The following DGCR2 variants were observed in gnomAD, a reference collection of about 807,000 sequenced individuals.
DGCR2 encodes the protein DiGeorge syndrome critical region gene 2.
Under a neutral mutation model 51.6 loss-of-function variants are expected in DGCR2, and 24 were observed. That is an observed-to-expected ratio of 0.47 (90% CI 0.34 to 0.65). DGCR2 has a LOEUF of 0.65. Among genes scored for constraint, DGCR2 ranks in the 30% least tolerant of loss-of-function variants. The pLI is 0.01. For synonymous variants in DGCR2, 340 were observed against 315.4 expected (o/e 1.08, Z -0.82); for missense variants, 765 against 772.1 (o/e 0.99, Z 0.11).
chr22:19,056,410 C>T (rs2082603047), intron 6 of DGCR2: 1 of 476,930 alleles, frequency 2.1e-6, no homozygotes. Flanking sequence ...AAGCCTCTCC[C>T]CAACCTGCGC....
chr22:19,094,756 G>C (rs1481599105), intron 1 of DGCR2, among the ~76,000 whole-genome samples: 1 of 152,140 alleles, frequency 6.6e-6, no homozygotes, highest in African/African-American at 2.4e-5. Context: ...GAAGCAAATT[G>C]GTAAGTTGTG....
At chr22:19,100,597 C>A (rs969153910) in intron 1 of DGCR2, among the ~76,000 whole-genome samples, 1 of 147,338 alleles carries the variant, frequency 6.8e-6, no homozygotes, top group African/African-American at 2.5e-5. Context: ...ATCCGGGAGA[C>A]GGAGGTTGCA....
Position 19,082,218 on chromosome 22 carries a change from A to ATTTC in DGCR2, c.202+7146_202+7149dup, listed in dbSNP as rs2082946682. The stretch of plus-strand genomic sequence containing the variant: ...TGTGTACCACCACATCTGGCTAATT[A>ATTTC]TTTCTTTTTTTTTTTTTTTTTTTTT... On this transcript the variant is annotated intron_variant, in intron 2 of 9. Transcript: ENST00000263196. Among the ~76,000 whole-genome samples, 3 of 70,830 alleles carry ATTTC rather than the reference A, an allele frequency of 4.2e-5. 1 individual carries two copies. The allele number at this position is 70,830 out of a possible 152,430, so 46.5% of individuals were successfully genotyped here.
At chr22:19,087,727 C>T (rs954723684) in intron 2 of DGCR2, among the ~76,000 whole-genome samples, 4 of 150,832 alleles carry the variant, frequency 2.7e-5, no homozygotes, top group Admixed American at 1.3e-4. Context: ...TTCTGCAGCC[C>T]AGGATAAAGT....
At chr22:19,059,974 C>T (rs1473373724) in intron 5 of DGCR2, among the ~76,000 whole-genome samples, 19 of 152,172 alleles carry the variant, frequency 1.2e-4, no homozygotes, top group Non-Finnish European at 1.2e-4. Flanking sequence ...CTTCCTGTCT[C>T]GCCACCTCCA....
Position 19,041,965 on chromosome 22 carries a change from G to T in DGCR2, c.1007-6C>A, listed in dbSNP as rs760142055. ...GTCAAACAGACTGTTGCCATCTGAGGGGGAGGGGAGGAAATGGCCGCTCTG... is the reference window on the plus strand; with the variant it reads ...GTCAAACAGACTGTTGCCATCTGAGTGGGAGGGGAGGAAATGGCCGCTCTG... On this transcript the variant is annotated splice_polypyrimidine_tract_variant and splice_region_variant and intron_variant, in intron 7 of 9. Transcript: ENST00000263196. 1 of 1,611,200 alleles carries T rather than the reference G, an allele frequency of 6.2e-7. No individual in the cohort carries two copies. Among genetic ancestry groups the T allele is most frequent in the African/African-American group, 1.3e-5 (1 of 74,860 alleles).
intron 8 of DGCR2, 92 bp downstream of exon 8, chr22:19,041,715 C>A: frequency 1.4e-6 from 2 of 1,437,086 alleles, no homozygotes; most frequent in Non-Finnish European, 9.5e-7. Context: ...TGCCTCTGCC[C>A]CTCTCTGTCC....
At chr22:19,040,407 C>T (rs2082417738) in intron 9 of DGCR2, among the ~76,000 whole-genome samples, 2 of 152,204 alleles carry the variant, frequency 1.3e-5, no homozygotes, top group Admixed American at 1.3e-4. Flanking sequence ...ACCAAATATA[C>T]TACAGGTTTG....
intron 6 of DGCR2, among the ~76,000 whole-genome samples, chr22:19,054,378 AAGTTCCTTGT>A (rs1263304319): frequency 1.3e-5 from 2 of 152,350 alleles, no homozygotes; most frequent in East Asian, 3.8e-4. Flanking sequence ...GTATGAAAGG[AAGTTCCTTGT>A]ATTATTCTGC....
intron 7 of DGCR2, among the ~76,000 whole-genome samples, chr22:19,044,079 C>T (rs989507464): frequency 9.8e-5 from 15 of 152,340 alleles, no homozygotes; most frequent in Non-Finnish European, 1.9e-4. Context: ...AAAGCAGCCC[C>T]TTTGCAATGA....
intron 1 of DGCR2, among the ~76,000 whole-genome samples, chr22:19,098,814 G>A (rs896013560): frequency 5.3e-5 from 8 of 151,928 alleles, no homozygotes; most frequent in African/African-American, 1.9e-4. Context: ...GGCTGGTCTC[G>A]AACTCCTGAG....
At chr22:19,088,797 C>A (rs756221007) in intron 2 of DGCR2, among the ~76,000 whole-genome samples, 1 of 152,200 alleles carries the variant, frequency 6.6e-6, no homozygotes, top group Non-Finnish European at 1.5e-5. Context: ...TCATGGGGTG[C>A]CCTGTATTCC....
At chr22:19,084,191 A>G (rs1176494016) in intron 2 of DGCR2, among the ~76,000 whole-genome samples, 3 of 147,992 alleles carry the variant, frequency 2.0e-5, no homozygotes, top group African/African-American at 7.6e-5. Flanking sequence ...GTCATCTGGG[A>G]TGTGAGGAGC....
chr22:19,051,987 C>T (rs1017512799), intron 6 of DGCR2, among the ~76,000 whole-genome samples: 1 of 152,192 alleles, frequency 6.6e-6, no homozygotes, highest in Non-Finnish European at 1.5e-5. Flanking sequence ...CGTTGAATCA[C>T]TCCTACGTTG....
chr22:19,048,157 G>A lies in DGCR2; in HGVS notation c.1006+283C>T, dbSNP rs375779172. On this transcript the variant is annotated intron_variant, in intron 7 of 9. Coordinates refer to ENST00000263196, the MANE Select transcript of DGCR2 (RefSeq NM_005137.3). ...TGAAGACAAGTTTGAAGCTGTCAGT[G>A]GTGACTTGTGAACAAACAGCCACAC... 5.5e-5 allele frequency: 28 copies of A among 509,508 alleles called. No homozygotes were observed. The East Asian group carries it at 9.5e-4, about 17-fold the overall frequency. The allele number at this position is 509,508 out of a possible 1,614,324, so 31.6% of individuals were successfully genotyped here. A position where few individuals can be genotyped will look rare whatever the true frequency, so the allele number is the denominator to read the frequency against.
rs368639734 is a variant in DGCR2, at chr22:19,122,141, C to T, written c.66G>A (p.Glu22=). The change falls in exon 1 of 10, where the codon GAG becomes GAA. Residue 22 remains glutamate, a synonymous_variant. Coordinates refer to ENST00000263196, the MANE Select transcript of DGCR2 (RefSeq NM_005137.3). The part of the protein sequence containing the change: ...LLFLLVLTVT[E]PLRPELRCNP... ...CGCGCGGCGCACCTGGCCGCAGCGG[C>T]TCGGTGACAGTGAGCACGAGCAGGA... 1.3e-6 allele frequency: 2 copies of T among 1,500,130 alleles called. No homozygotes were observed. The highest frequency in any genetic ancestry group is 2.5e-5 in the South Asian group (2 of 79,482). The allele number at this position is 1,500,130 out of a possible 1,614,324, so 92.9% of individuals were successfully genotyped here. A position where few individuals can be genotyped will look rare whatever the true frequency, so the allele number is the denominator to read the frequency against.
intron 1 of DGCR2, among the ~76,000 whole-genome samples, chr22:19,094,884 A>G (rs2083121438): frequency 6.6e-6 from 1 of 152,230 alleles, no homozygotes; most frequent in Admixed American, 6.5e-5. Context: ...TATGTACTCA[A>G]AAGAATACCT....
chr22:19,056,341 C>T (rs926807392), intron 6 of DGCR2: 2 of 249,100 alleles, frequency 8.0e-6, no homozygotes, highest in African/African-American at 2.3e-5. Flanking sequence ...AGAGGACCAC[C>T]GTCAACAAGA....
intron 7 of DGCR2, among the ~76,000 whole-genome samples, chr22:19,042,576 G>C (rs774535734): frequency 6.6e-6 from 1 of 152,236 alleles, no homozygotes. Context: ...CGCCCCTGCG[G>C]AGCATGGCTC....
Sources: allele counts gnomAD v4.1 joint callset (sites outside exome capture counted in the v4.1 genomes callset), GRCh38; gene constraint gnomAD v4.1.1; transcripts MANE v1.5; gene names NCBI Gene and HGNC (gene_info 2026-07-23, HGNC 2026-07-21).